The following ST3GAL3 variants were observed in gnomAD, a reference collection of about 807,000 sequenced individuals.
The protein encoded by ST3GAL3 is ST3 beta-galactoside alpha-2,3-sialyltransferase 3.
Under a neutral mutation model 50.1 loss-of-function variants are expected in ST3GAL3, and 21 were observed. That is an observed-to-expected ratio of 0.42 (90% CI 0.30 to 0.60). The LOEUF is 0.60. Ranked by LOEUF, ST3GAL3 falls within the 20% of genes least tolerant of loss-of-function variation. The probability of loss-of-function intolerance (pLI) is 0.19; values close to 1 mark genes in which losing one functional copy is unlikely to be tolerated. For missense variants in ST3GAL3, 353 were observed against 489.4 expected, an observed-to-expected ratio of 0.72 and a Z score of 2.63; for synonymous variants, 183 against 190.0, an observed-to-expected ratio of 0.96 and a Z score of 0.30.
chr1:43,759,317 G>T (rs1689418404), intron 2 of ST3GAL3, among the ~76,000 whole-genome samples: 1 of 152,112 alleles, frequency 6.6e-6, no homozygotes, highest in South Asian at 2.1e-4. Context: ...GGTGGCATGT[G>T]CCTGTAATCC....
chr1:43,745,934 A>G (rs1572000562), intron 2 of ST3GAL3, among the ~76,000 whole-genome samples: 1 of 152,296 alleles, frequency 6.6e-6, no homozygotes, highest in African/African-American at 2.4e-5. Flanking sequence ...TGACCTAGAT[A>G]TGTTTTGATA....
intron 4 of ST3GAL3, chr1:43,819,287 T>C (rs2061788388): frequency 6.6e-6 from 1 of 152,166 alleles, no homozygotes. Context: ...GAGCTGGGGT[T>C]TTTCCATGTT....
chr1:43,752,933 C>A (rs1489474730), intron 2 of ST3GAL3, among the ~76,000 whole-genome samples: 1 of 152,176 alleles, frequency 6.6e-6, no homozygotes, highest in Non-Finnish European at 1.5e-5. Flanking sequence ...ATGTATAAAT[C>A]TTTAAAAGAT....
intron 5 of ST3GAL3, among the ~76,000 whole-genome samples, chr1:43,856,342 TTGTTATACCCATTTTGTAGA>T (rs1390228441): frequency 5.3e-5 from 8 of 152,318 alleles, no homozygotes; most frequent in African/African-American, 1.9e-4. Flanking sequence ...GAAGTAAGTG[TTGTTATACCCATTTTGTAGA>T]TGGGTAAGCT....
intron 4 of ST3GAL3, among the ~76,000 whole-genome samples, chr1:43,826,769 G>T (rs1380850675): frequency 6.6e-6 from 1 of 152,100 alleles, no homozygotes; most frequent in Non-Finnish European, 1.5e-5. Flanking sequence ...TTTATTCCAG[G>T]TATGCAAGGC....
intron 5 of ST3GAL3, among the ~76,000 whole-genome samples, chr1:43,843,002 A>G (rs2065660838): frequency 6.6e-6 from 1 of 152,206 alleles, no homozygotes; most frequent in African/African-American, 2.4e-5. Flanking sequence ...AGTACCATTC[A>G]TACATGGACA....
At chr1:43,920,578 AG>A in intron 10 of ST3GAL3, 28 bp downstream of exon 10, 1 of 1,605,214 alleles carries the variant, frequency 6.2e-7, no homozygotes, top group Non-Finnish European at 8.5e-7. Flanking sequence ...TGGGAGAGGG[AG>A]GAGGAAAGCT....
At chr1:43,730,746 T>G (rs1007136939) in intron 1 of ST3GAL3, among the ~76,000 whole-genome samples, 1 of 151,806 alleles carries the variant, frequency 6.6e-6, no homozygotes, top group African/African-American at 2.4e-5. Flanking sequence ...GATTTTTAAT[T>G]TTTTTCTGGA....
intron 2 of ST3GAL3, among the ~76,000 whole-genome samples, chr1:43,746,080 T>G (rs1283251981): frequency 1.3e-5 from 2 of 152,244 alleles, no homozygotes; most frequent in African/African-American, 4.8e-5. Flanking sequence ...CGTTAAGTGA[T>G]GCATGACTAT....
intron 2 of ST3GAL3, 24 bp downstream of exon 2, chr1:43,736,404 C>A: frequency 6.2e-7 from 1 of 1,614,118 alleles, no homozygotes; most frequent in Non-Finnish European, 8.5e-7. Flanking sequence ...CTCTAGCTCA[C>A]CCCAGGAGAA....
chr1:43,766,293 G>A (rs376503832), intron 2 of ST3GAL3, among the ~76,000 whole-genome samples: 9 of 152,216 alleles, frequency 5.9e-5, no homozygotes, highest in East Asian at 1.9e-4. Flanking sequence ...GGGCATTTAG[G>A]AAGAGAGGTG....
chr1:43,858,865 G>C (rs536626560), intron 5 of ST3GAL3, among the ~76,000 whole-genome samples: 2 of 152,352 alleles, frequency 1.3e-5, no homozygotes, highest in African/African-American at 2.4e-5. Context: ...CCTCCCCACT[G>C]TGGAGGCAGG....
intron 3 of ST3GAL3, chr1:43,801,510 A>G: frequency 2.6e-6 from 1 of 388,956 alleles, no homozygotes; most frequent in Non-Finnish European, 5.2e-6. Flanking sequence ...ATGTGACTGC[A>G]CAGCCTGGTG....
intron 5 of ST3GAL3, among the ~76,000 whole-genome samples, chr1:43,874,148 G>C (rs1261532351): frequency 1.3e-5 from 2 of 152,184 alleles, no homozygotes; most frequent in Non-Finnish European, 2.9e-5. Flanking sequence ...TACAAACTAG[G>C]GCACTTTTGA....
chr1:43,772,132 C>T, intron 2 of ST3GAL3: 1 of 397,970 alleles, frequency 2.5e-6, no homozygotes, highest in Non-Finnish European at 4.4e-6. Context: ...TCACCGCAAC[C>T]TCCGCCTCCC....
intron 1 of ST3GAL3, among the ~76,000 whole-genome samples, chr1:43,714,623 A>G (rs1666467040): frequency 6.6e-6 from 1 of 152,104 alleles, no homozygotes; most frequent in South Asian, 2.1e-4. Context: ...AAAAATTTAA[A>G]CATTGCTTAA....
intron 2 of ST3GAL3, chr1:43,736,836 G>C (rs961305046): frequency 3.4e-5 from 9 of 265,702 alleles, no homozygotes; most frequent in Non-Finnish European, 5.9e-5. Context: ...CTAAAGAAAC[G>C]TTGTCTACTG....
intron 2 of ST3GAL3, among the ~76,000 whole-genome samples, chr1:43,749,183 C>G (rs1685061702): frequency 6.6e-6 from 1 of 152,164 alleles, no homozygotes; most frequent in Admixed American, 6.5e-5. Context: ...TCCTACCTCA[C>G]ACCATATACA....
intron 4 of ST3GAL3, among the ~76,000 whole-genome samples, chr1:43,828,735 A>C (rs1474752091): frequency 6.6e-6 from 1 of 152,204 alleles, no homozygotes; most frequent in Non-Finnish European, 1.5e-5. Flanking sequence ...TGACTAAAAA[A>C]AAACCAAAAA....
Sources: allele counts gnomAD v4.1 joint callset (sites outside exome capture counted in the v4.1 genomes callset), GRCh38; gene constraint gnomAD v4.1.1; transcripts MANE v1.5; gene names NCBI Gene and HGNC (gene_info 2026-07-23, HGNC 2026-07-21).